Variants in SPATA9 observed in about 807,000 individuals in gnomAD.
SPATA9 encodes spermatogenesis-associated protein 9.
Under a neutral mutation model 25.5 loss-of-function variants are expected in SPATA9, and 27 were observed. The observed-to-expected ratio is 1.06, with a 90% CI of 0.78 to 1.46. The LOEUF (loss-of-function observed/expected upper bound fraction) is 1.46. Ranked by LOEUF, SPATA9 falls within the 40% of genes most tolerant of loss-of-function variation. SPATA9 has a pLI of 0.00. For missense variants in SPATA9, 282 were observed against 297.5 expected (o/e 0.95, Z 0.38); for synonymous variants, 102 against 105.7 (o/e 0.97, Z 0.21).
upstream of SPATA9, among the ~76,000 whole-genome samples, chr5:95,687,447 T>A (rs895833666): frequency 2.0e-5 from 3 of 152,078 alleles, no homozygotes; most frequent in Non-Finnish European, 4.4e-5. Context: ...ATTAGGGGAG[T>A]GTATTCTTTA....
chr5:95,689,630 T>C (rs1753834626), intron 1 of SPATA9, among the ~76,000 whole-genome samples: 1 of 152,174 alleles, frequency 6.6e-6, no homozygotes, highest in African/African-American at 2.4e-5. Flanking sequence ...TTTGAAATTA[T>C]TTTTCTTATA....
chr5:95,696,606 G>C (rs776347594), intron 1 of SPATA9, among the ~76,000 whole-genome samples: 13 of 152,212 alleles, frequency 8.5e-5, no homozygotes, highest in Non-Finnish European at 1.9e-4. Context: ...CCTTGGCACG[G>C]TGGCTCATGC....
the SPATA9 span, among the ~76,000 whole-genome samples, chr5:95,729,395 T>G: frequency 6.6e-6 from 1 of 152,180 alleles, no homozygotes; most frequent in Non-Finnish European, 1.5e-5. Flanking sequence ...AAATGAATAC[T>G]TTCTCCCTTT....
chr5:95,701,905 T>C (rs998156077), upstream of SPATA9, among the ~76,000 whole-genome samples: 6 of 152,212 alleles, frequency 3.9e-5, no homozygotes, highest in African/African-American at 1.4e-4. Context: ...AATTCAGTAA[T>C]GTTCTAGAAA....
At chr5:95,669,392 A>G (rs1176521041) in intron 3 of SPATA9, among the ~76,000 whole-genome samples, 2 of 152,300 alleles carry the variant, frequency 1.3e-5, no homozygotes, top group East Asian at 3.9e-4. Flanking sequence ...TTAAACCCCA[A>G]ATTGGAGTCT....
chr5:95,713,617 T>C, the SPATA9 span: 1 of 152,132 alleles, frequency 6.6e-6, no homozygotes, highest in Non-Finnish European at 1.5e-5. Flanking sequence ...CTTTTCTTTA[T>C]AAATTACCTA....
At chr5:95,732,017 T>C in the SPATA9 span, 3 of 1,614,144 alleles carry the variant, frequency 1.9e-6, no homozygotes, top group Non-Finnish European at 2.5e-6. Flanking sequence ...GCGCGTCCGG[T>C]GTTCACCGAG....
At chr5:95,689,871 A>C (rs1445048885) in intron 1 of SPATA9, among the ~76,000 whole-genome samples, 1 of 152,194 alleles carries the variant, frequency 6.6e-6, no homozygotes, top group East Asian at 1.9e-4. Flanking sequence ...AGAATGAGAT[A>C]ATGTTTTTTT....
At chr5:95,698,243 G>A (rs1216246189) in intron 1 of SPATA9, among the ~76,000 whole-genome samples, 1 of 152,188 alleles carries the variant, frequency 6.6e-6, no homozygotes, top group Non-Finnish European at 1.5e-5. Context: ...CAGAGAGGAG[G>A]AAACGTGGGA....
At chr5:95,715,054 G>A in the SPATA9 span, among the ~76,000 whole-genome samples, 2 of 152,136 alleles carry the variant, frequency 1.3e-5, no homozygotes, top group Non-Finnish European at 2.9e-5. Flanking sequence ...GGCCGGGTGT[G>A]GTGGCTAATA....
the SPATA9 span, among the ~76,000 whole-genome samples, chr5:95,723,833 C>T: frequency 0.022 from 3,394 of 152,256 alleles, 58 homozygotes; most frequent in Non-Finnish European, 0.036. Context: ...CTCCAGAGCA[C>T]AGCCCAAAGC....
intron 3 of SPATA9, among the ~76,000 whole-genome samples, chr5:95,666,564 ATAT>A (rs1751824189): frequency 6.6e-6 from 1 of 152,230 alleles, no homozygotes; most frequent in African/African-American, 2.4e-5. Context: ...TAGAGAGGGA[ATAT>A]TAATAATAGT....
chr5:95,678,441 A>C (rs1332166778), intron 2 of SPATA9, among the ~76,000 whole-genome samples: 1 of 152,154 alleles, frequency 6.6e-6, no homozygotes, highest in African/African-American at 2.4e-5. Flanking sequence ...TTCCTTCAAA[A>C]TCTATCCAGG....
At chr5:95,674,193 TATG>T (rs1752691542) in intron 3 of SPATA9, among the ~76,000 whole-genome samples, 1 of 152,196 alleles carries the variant, frequency 6.6e-6, no homozygotes, top group Non-Finnish European at 1.5e-5. Flanking sequence ...AGCTGAAATA[TATG>T]ATGATTTCTA....
At chr5:95,655,259 A>G (rs1750675063), downstream of SPATA9, 2 of 152,228 alleles carry the variant, frequency 1.3e-5, 1 homozygote, top group Admixed American at 1.3e-4. Flanking sequence ...CTTTGCTGAC[A>G]GTTTTATGAA....
chr5:95,715,096 C>G, the SPATA9 span, among the ~76,000 whole-genome samples: 13 of 152,114 alleles, frequency 8.5e-5, no homozygotes, highest in East Asian at 2.1e-3. Flanking sequence ...GAGGCCAAGG[C>G]GGGCAGTTCA....
At chr5:95,707,486 G>A in the SPATA9 span, among the ~76,000 whole-genome samples, 41 of 150,552 alleles carry the variant, frequency 2.7e-4, 1 homozygote, top group South Asian at 8.8e-3. Flanking sequence ...TTAGGAAGGC[G>A]GGGGGCCTAG....
intron 3 of SPATA9, among the ~76,000 whole-genome samples, chr5:95,665,292 A>G (rs1226428387): frequency 3.9e-5 from 6 of 152,230 alleles, no homozygotes; most frequent in Non-Finnish European, 8.8e-5. Context: ...TGCGCAGTAG[A>G]ACACCAGAAT....
At chr5:95,712,615 A>G in the SPATA9 span, among the ~76,000 whole-genome samples, 1 of 152,202 alleles carries the variant, frequency 6.6e-6, no homozygotes, top group African/African-American at 2.4e-5. Flanking sequence ...CTGTCAGACA[A>G]GAAAGTGAAG....
Sources: gnomAD v4.1 joint callset for allele counts (sites outside exome capture counted in the v4.1 genomes callset) on GRCh38, gnomAD v4.1.1 for gene constraint, MANE v1.5 for transcripts, NCBI Gene and HGNC (gene_info 2026-07-23, HGNC 2026-07-21) for gene names.